Variants in SHISA9 observed in about 807,000 individuals in gnomAD.
SHISA9 encodes the protein shisa family member 9, also known as protein shisa-9.
A neutral mutation model predicts 38.0 loss-of-function variants in SHISA9; 13 were observed. That is an observed-to-expected ratio of 0.34 (90% CI 0.22 to 0.54). The LOEUF is 0.54. SHISA9 is among the 20% of genes least tolerant of loss of function. The pLI, the probability that SHISA9 is intolerant of heterozygous loss-of-function variation, is 0.91. For synonymous variants in SHISA9, 275 were observed against 242.0 expected (o/e 1.14, Z -1.27); for missense variants, 538 against 575.8 (o/e 0.93, Z 0.67).
chr16:13,362,466 CAA>C, the SHISA9 span, among the ~76,000 whole-genome samples: 23 of 151,898 alleles, frequency 1.5e-4, no homozygotes, highest in African/African-American at 5.1e-4. Flanking sequence ...AACAAAAAAA[CAA>C]AAACGTGGTG....
the SHISA9 span, among the ~76,000 whole-genome samples, chr16:13,366,734 T>C: frequency 6.6e-6 from 1 of 152,244 alleles, no homozygotes; most frequent in Non-Finnish European, 1.5e-5. Flanking sequence ...ATGCCTGTTA[T>C]CCCAGCGCTT....
chr16:13,530,388 C>T, the SHISA9 span, among the ~76,000 whole-genome samples: 1 of 152,146 alleles, frequency 6.6e-6, no homozygotes, highest in Non-Finnish European at 1.5e-5. Flanking sequence ...ACTTCATTTT[C>T]CCCATATGTA....
the SHISA9 span, among the ~76,000 whole-genome samples, chr16:13,517,362 C>A: frequency 6.6e-6 from 1 of 152,258 alleles, no homozygotes. Context: ...TCTAAGCCAT[C>A]CAATTTGTGG....
At chr16:12,946,349 C>G (rs796486536) in intron 2 of SHISA9, among the ~76,000 whole-genome samples, 1 of 152,112 alleles carries the variant, frequency 6.6e-6, no homozygotes, top group Non-Finnish European at 1.5e-5. Flanking sequence ...GGGAAAGATA[C>G]AACTTGAAAG....
At chr16:13,251,745 C>T in the SHISA9 span, among the ~76,000 whole-genome samples, 1 of 152,298 alleles carries the variant, frequency 6.6e-6, no homozygotes, top group Non-Finnish European at 1.5e-5. Context: ...TAAATACCTG[C>T]ACACAGTACC....
chr16:12,918,078 A>G (rs1245599407), intron 2 of SHISA9, among the ~76,000 whole-genome samples: 1 of 152,204 alleles, frequency 6.6e-6, no homozygotes, highest in East Asian at 1.9e-4. Context: ...GTTTAAATAT[A>G]TTAAATAATT....
At chr16:13,410,503 T>C in the SHISA9 span, among the ~76,000 whole-genome samples, 1 of 152,284 alleles carries the variant, frequency 6.6e-6, no homozygotes, top group African/African-American at 2.4e-5. Flanking sequence ...AACAAAGATG[T>C]CATTTTGGGT....
At chr16:13,108,223 G>T (rs1368437371) in intron 2 of SHISA9, among the ~76,000 whole-genome samples, 3 of 151,948 alleles carry the variant, frequency 2.0e-5, no homozygotes, top group South Asian at 4.2e-4. Flanking sequence ...TGACCTCCAG[G>T]ACTCAAGTGA....
the SHISA9 span, among the ~76,000 whole-genome samples, chr16:13,534,224 C>CTTT: frequency 1.5e-3 from 190 of 125,814 alleles, 3 homozygotes; most frequent in African/African-American, 5.4e-3. Context: ...CACCATTTCA[C>CTTT]TTTTTTTTTT....
At chr16:13,015,662 G>C (rs1268989124) in intron 2 of SHISA9, among the ~76,000 whole-genome samples, 1 of 152,148 alleles carries the variant, frequency 6.6e-6, no homozygotes, top group African/African-American at 2.4e-5. Flanking sequence ...GGCTTCCTGG[G>C]TAGTTGGTAG....
the SHISA9 span, among the ~76,000 whole-genome samples, chr16:13,421,850 C>T: frequency 6.6e-6 from 1 of 152,118 alleles, no homozygotes; most frequent in Non-Finnish European, 1.5e-5. Context: ...CAAACGAATC[C>T]CAGGTTGGGG....
chr16:13,266,928 T>C, the SHISA9 span, among the ~76,000 whole-genome samples: 9 of 152,102 alleles, frequency 5.9e-5, no homozygotes, highest in African/African-American at 2.2e-4. Context: ...GATTCAACAC[T>C]GAAAAAAGAA....
At chr16:13,475,802 G>A in the SHISA9 span, among the ~76,000 whole-genome samples, 1 of 152,176 alleles carries the variant, frequency 6.6e-6, no homozygotes, top group Non-Finnish European at 1.5e-5. Context: ...GTCACGATGG[G>A]AGACACTGAC....
At chr16:13,244,695 A>C (rs918679986), downstream of SHISA9, among the ~76,000 whole-genome samples, 3 of 152,210 alleles carry the variant, frequency 2.0e-5, no homozygotes, top group Admixed American at 6.5e-5. Flanking sequence ...TTCCGACTAC[A>C]TGGGGTTTGT....
At chr16:13,467,277 T>C in the SHISA9 span, among the ~76,000 whole-genome samples, 221 of 152,298 alleles carry the variant, frequency 1.5e-3, 1 homozygote, top group African/African-American at 5.1e-3. Context: ...TGGGACAACA[T>C]GGCAGAAGAA....
the SHISA9 span, among the ~76,000 whole-genome samples, chr16:13,469,369 G>GA: frequency 3.3e-4 from 22 of 66,706 alleles, no homozygotes; most frequent in East Asian, 1.0e-3. Flanking sequence ...AAAAGAAAAA[G>GA]AAAGAAAGAA....
chr16:13,233,522 G>T (rs189411301), intron 4 of SHISA9, among the ~76,000 whole-genome samples: 1 of 152,314 alleles, frequency 6.6e-6, no homozygotes, highest in East Asian at 1.9e-4. Context: ...AAATATCTCA[G>T]GCTCTTCAGG....
chr16:13,048,350 A>G (rs548443789), intron 2 of SHISA9, among the ~76,000 whole-genome samples: 47 of 152,342 alleles, frequency 3.1e-4, no homozygotes, highest in Non-Finnish European at 6.2e-4. Flanking sequence ...TGAAACCTAA[A>G]GCAAATCCAG....
At chr16:13,129,265 G>T (rs1401469055) in intron 2 of SHISA9, among the ~76,000 whole-genome samples, 1 of 152,192 alleles carries the variant, frequency 6.6e-6, no homozygotes, top group Non-Finnish European at 1.5e-5. Context: ...CTCAATGCAT[G>T]TATATAATTG....
Sources: allele counts gnomAD v4.1 joint callset (sites outside exome capture counted in the v4.1 genomes callset), GRCh38; gene constraint gnomAD v4.1.1; transcripts MANE v1.5; gene names NCBI Gene and HGNC (gene_info 2026-07-23, HGNC 2026-07-21).